KIAA1217: variants seen among roughly 807,000 people sequenced by gnomAD.
KIAA1217 encodes the protein sickle tail protein homolog.
A neutral mutation model predicts 163.9 loss-of-function variants in KIAA1217; 88 were observed. That is an observed-to-expected ratio of 0.54 (90% confidence interval 0.45 to 0.64). The LOEUF (loss-of-function observed/expected upper bound fraction) is 0.64. Ranked by LOEUF, KIAA1217 falls within the 30% of genes least tolerant of loss-of-function variation. KIAA1217 has a pLI of 0.00. For synonymous variants in KIAA1217, 903 were observed against 923.1 expected (o/e 0.98, Z 0.39); for missense variants, 2,372 against 2,475.0 (o/e 0.96, Z 0.88).
intron 2 of KIAA1217, among the ~76,000 whole-genome samples, chr10:24,012,147 T>G (rs1453009638): frequency 6.6e-6 from 1 of 152,170 alleles, no homozygotes; most frequent in Non-Finnish European, 1.5e-5. Flanking sequence ...CTGGTTGCAG[T>G]TCTGCTGTGA....
At chr10:23,828,991 G>C (rs528931026) in intron 1 of KIAA1217, among the ~76,000 whole-genome samples, 7 of 152,142 alleles carry the variant, frequency 4.6e-5, no homozygotes, top group Non-Finnish European at 1.0e-4. Flanking sequence ...CAGGAAAAAA[G>C]ATATTACCCT....
At chr10:24,194,575 G>A (rs1444704097) in intron 2 of KIAA1217, among the ~76,000 whole-genome samples, 2 of 150,884 alleles carry the variant, frequency 1.3e-5, no homozygotes, top group African/African-American at 4.9e-5. Context: ...TCTTTTCTTT[G>A]TTTTGGGGGT....
intron 2 of KIAA1217, among the ~76,000 whole-genome samples, chr10:24,359,754 C>A (rs1467742611): frequency 3.9e-5 from 6 of 152,076 alleles, no homozygotes; most frequent in Admixed American, 3.3e-4. Context: ...TCACCCTGAA[C>A]TCTTTTTTGT....
intron 2 of KIAA1217, among the ~76,000 whole-genome samples, chr10:24,110,636 T>G (rs1245004728): frequency 6.6e-6 from 1 of 152,110 alleles, no homozygotes; most frequent in Admixed American, 6.5e-5. Flanking sequence ...GTATTTGTCT[T>G]AATTTCTCTA....
At chr10:23,833,021 A>G (rs1037916005) in intron 1 of KIAA1217, among the ~76,000 whole-genome samples, 5 of 152,084 alleles carry the variant, frequency 3.3e-5, no homozygotes, top group African/African-American at 1.2e-4. Flanking sequence ...CTCCCACAAG[A>G]CATGGGAATT....
intron 3 of KIAA1217, among the ~76,000 whole-genome samples, chr10:24,410,592 C>T (rs1281756927): frequency 1.3e-5 from 2 of 152,148 alleles, no homozygotes; most frequent in African/African-American, 2.4e-5. Context: ...TTTGATTTTA[C>T]ACTTTGAAGG....
intron 1 of KIAA1217, among the ~76,000 whole-genome samples, chr10:23,923,849 T>A (rs1297423534): frequency 1.3e-5 from 2 of 152,122 alleles, no homozygotes; most frequent in African/African-American, 4.8e-5. Context: ...TTATTGAAAA[T>A]TTTAAATTGG....
At chr10:24,224,699 A>G (rs2070209461) in intron 2 of KIAA1217, among the ~76,000 whole-genome samples, 1 of 152,136 alleles carries the variant, frequency 6.6e-6, no homozygotes, top group Non-Finnish European at 1.5e-5. Flanking sequence ...GCACTGAGAA[A>G]TACAACGATG....
At chr10:24,419,365 A>C (rs2058548559) in intron 3 of KIAA1217, among the ~76,000 whole-genome samples, 1 of 152,080 alleles carries the variant, frequency 6.6e-6, no homozygotes, top group African/African-American at 2.4e-5. Flanking sequence ...ATTTTTCTTT[A>C]ATTTTTTGAA....
chr10:24,096,217 GT>G (rs2062155245), intron 2 of KIAA1217, among the ~76,000 whole-genome samples: 1 of 152,198 alleles, frequency 6.6e-6, no homozygotes, highest in African/African-American at 2.4e-5. Context: ...GTTGTCTGTT[GT>G]TTGTGCTAAA....
At chr10:24,289,244 G>A (rs529946647) in intron 2 of KIAA1217, among the ~76,000 whole-genome samples, 32 of 152,314 alleles carry the variant, frequency 2.1e-4, no homozygotes, top group African/African-American at 7.5e-4. Context: ...ACGGGCACTG[G>A]GGTGGTGACT....
At chr10:24,405,095 A>G (rs2057060951) in intron 3 of KIAA1217, among the ~76,000 whole-genome samples, 1 of 152,226 alleles carries the variant, frequency 6.6e-6, no homozygotes, top group Non-Finnish European at 1.5e-5. Context: ...ATAAAATCGT[A>G]TAGAGCAACA....
chr10:23,913,974 G>T (rs932393104), intron 1 of KIAA1217, among the ~76,000 whole-genome samples: 1 of 152,160 alleles, frequency 6.6e-6, no homozygotes, highest in African/African-American at 2.4e-5. Context: ...GAGCCAGGTG[G>T]CTCCTAGGTG....
intron 5 of KIAA1217, among the ~76,000 whole-genome samples, chr10:24,463,336 C>A (rs2062617668): frequency 6.6e-6 from 1 of 152,178 alleles, no homozygotes; most frequent in Non-Finnish European, 1.5e-5. Flanking sequence ...GTTCCTCTGT[C>A]AAAAGATTTA....
At chr10:24,525,025 A>ACCTGGCCTGTAGGAAGGTGAGACACCTG (rs71281595) in intron 13 of KIAA1217, among the ~76,000 whole-genome samples, 3 of 150,640 alleles carry the variant, frequency 2.0e-5, no homozygotes, top group African/African-American at 5.0e-5. Flanking sequence ...AAGGTGAGAC[A>ACCTGGCCTGTAGGAAGGTGAGACACCTG]GCAGTGTGCT....
intron 3 of KIAA1217, among the ~76,000 whole-genome samples, chr10:24,406,377 G>T (rs541106047): frequency 3.8e-5 from 5 of 133,096 alleles, no homozygotes; most frequent in Non-Finnish European, 6.3e-5. Context: ...ATATGCAAAG[G>T]TACATTCACA....
At chr10:24,097,201 T>C (rs2062198901) in intron 2 of KIAA1217, among the ~76,000 whole-genome samples, 1 of 152,102 alleles carries the variant, frequency 6.6e-6, no homozygotes, top group Admixed American at 6.5e-5. Flanking sequence ...GAGGAAAAAT[T>C]TATAGGATCT....
intron 3 of KIAA1217, among the ~76,000 whole-genome samples, chr10:24,391,981 G>A (rs1256978723): frequency 6.6e-6 from 1 of 152,120 alleles, no homozygotes; most frequent in Non-Finnish European, 1.5e-5. Context: ...AAGAAAGTAG[G>A]CAAGTTTTAT....
intron 2 of KIAA1217, among the ~76,000 whole-genome samples, chr10:24,265,668 C>G (rs2131829476): frequency 6.6e-6 from 1 of 152,044 alleles, no homozygotes; most frequent in Admixed American, 6.6e-5. Flanking sequence ...CTTTTTCCTC[C>G]CCTCGCTGAA....
Sources: allele counts gnomAD v4.1 joint callset (sites outside exome capture counted in the v4.1 genomes callset), GRCh38; gene constraint gnomAD v4.1.1; transcripts MANE v1.5; gene names NCBI Gene and HGNC (gene_info 2026-07-23, HGNC 2026-07-21).